CADPS2: variants seen among roughly 807,000 people sequenced by gnomAD.
The protein encoded by CADPS2 is calcium dependent secretion activator 2.
CADPS2 carries 93 observed loss-of-function variants against 172.5 expected under a neutral mutation model. The ratio of observed to expected loss-of-function variants is 0.54; its 90% confidence interval spans 0.46 to 0.64. CADPS2 has a LOEUF of 0.64. Among genes scored for constraint, CADPS2 ranks in the 30% least tolerant of loss-of-function variants. The pLI is 0.00. For missense variants in CADPS2, 1,420 were observed against 1,565.9 expected (o/e 0.91, Z 1.57); for synonymous variants, 546 against 555.2 (o/e 0.98, Z 0.23).
At chr7:122,774,971 A>AT (rs2093829110) in intron 1 of CADPS2, among the ~76,000 whole-genome samples, 1 of 151,986 alleles carries the variant, frequency 6.6e-6, no homozygotes, top group Admixed American at 6.6e-5. Flanking sequence ...ACTTTTGCTC[A>AT]TTTTTTCTGT....
At chr7:122,831,904 GA>G (rs1247544184) in intron 1 of CADPS2, among the ~76,000 whole-genome samples, 1 of 152,166 alleles carries the variant, frequency 6.6e-6, no homozygotes, top group South Asian at 2.1e-4. Flanking sequence ...AATCTAGAGA[GA>G]AAAAAACTAT....
At chr7:122,501,978 T>G (rs1237431992) in intron 9 of CADPS2, among the ~76,000 whole-genome samples, 1 of 151,956 alleles carries the variant, frequency 6.6e-6, no homozygotes, top group Non-Finnish European at 1.5e-5. Flanking sequence ...TCATATTATT[T>G]TATACATTCT....
chr7:122,547,065 A>C (rs2063697701), intron 8 of CADPS2, among the ~76,000 whole-genome samples: 1 of 145,336 alleles, frequency 6.9e-6, no homozygotes, highest in Admixed American at 7.1e-5. Context: ...CGAAGCTCAA[A>C]TCTAGGGTGT....
intron 2 of CADPS2, chr7:122,698,949 A>G (rs771800452): frequency 2.0e-5 from 29 of 1,472,646 alleles, no homozygotes; most frequent in East Asian, 2.3e-5. Context: ...TTAAGAACCA[A>G]CCTAACAGTT....
At chr7:122,358,574 G>A (rs2039724343) in intron 27 of CADPS2, among the ~76,000 whole-genome samples, 1 of 151,896 alleles carries the variant, frequency 6.6e-6, no homozygotes. Flanking sequence ...TCTTGAAGTT[G>A]TATAGTTCTG....
At chr7:122,522,513 C>A (rs372695430) in intron 8 of CADPS2, among the ~76,000 whole-genome samples, 105 of 152,142 alleles carry the variant, frequency 6.9e-4, no homozygotes, top group African/African-American at 2.5e-3. Context: ...ATGGTAAAAT[C>A]GGGATATTTG....
chr7:122,853,628 CCTGA>C (rs1334456887), intron 1 of CADPS2, among the ~76,000 whole-genome samples: 1 of 151,788 alleles, frequency 6.6e-6, no homozygotes, highest in African/African-American at 2.4e-5. Flanking sequence ...CTGACTAGAT[CCTGA>C]CTAATATACC....
At chr7:122,375,478 A>G (rs2042233391) in intron 25 of CADPS2, among the ~76,000 whole-genome samples, 1 of 152,158 alleles carries the variant, frequency 6.6e-6, no homozygotes, top group Admixed American at 6.6e-5. Flanking sequence ...GAGTGTCAAG[A>G]GAAAAGGATG....
At chr7:122,686,259 A>G (rs2083605818) in intron 2 of CADPS2, among the ~76,000 whole-genome samples, 1 of 152,206 alleles carries the variant, frequency 6.6e-6, no homozygotes. Context: ...GCGGATAGAG[A>G]AACCAGTACT....
intron 2 of CADPS2, among the ~76,000 whole-genome samples, chr7:122,684,030 T>C (rs2083359493): frequency 6.6e-6 from 1 of 152,186 alleles, no homozygotes; most frequent in African/African-American, 2.4e-5. Flanking sequence ...AAGTGGATAA[T>C]TGTCTTACTT....
At chr7:122,640,377 A>G (rs2077482391) in intron 3 of CADPS2, among the ~76,000 whole-genome samples, 1 of 152,110 alleles carries the variant, frequency 6.6e-6, no homozygotes, top group Admixed American at 6.6e-5. Flanking sequence ...TCAATTTGCC[A>G]GTATGGTTGG....
At chr7:122,794,375 C>T (rs1795919935) in intron 1 of CADPS2, among the ~76,000 whole-genome samples, 1 of 151,942 alleles carries the variant, frequency 6.6e-6, no homozygotes, top group South Asian at 2.1e-4. Context: ...AGATTCTTTC[C>T]TCCACCTGGT....
chr7:122,542,893 C>T (rs959440029), intron 8 of CADPS2, among the ~76,000 whole-genome samples: 3 of 152,032 alleles, frequency 2.0e-5, no homozygotes, highest in Admixed American at 6.6e-5. Context: ...ACAGTTCTCA[C>T]AACCACTACC....
intron 9 of CADPS2, among the ~76,000 whole-genome samples, chr7:122,511,994 T>C (rs923504741): frequency 2.0e-5 from 3 of 152,054 alleles, no homozygotes; most frequent in Non-Finnish European, 2.9e-5. Context: ...TAGGGCTCTA[T>C]ACAAACAAAT....
intron 17 of CADPS2, chr7:122,427,394 T>C (rs926343442): frequency 3.3e-5 from 5 of 152,186 alleles, no homozygotes; most frequent in African/African-American, 1.2e-4. Context: ...GAAAATCATC[T>C]AAGAAGTGAG....
intron 11 of CADPS2, among the ~76,000 whole-genome samples, chr7:122,488,342 T>G (rs2058021308): frequency 6.6e-6 from 1 of 152,144 alleles, no homozygotes; most frequent in African/African-American, 2.4e-5. Flanking sequence ...AATTTGGCAC[T>G]TGAAGTAGGA....
chr7:122,414,315 G>A (rs1017833385), intron 18 of CADPS2, among the ~76,000 whole-genome samples: 4 of 152,072 alleles, frequency 2.6e-5, no homozygotes, highest in African/African-American at 9.7e-5. Context: ...TTTAGTGATT[G>A]CAAGAAGTAT....
At chr7:122,365,325 G>A (rs1171462141) in intron 25 of CADPS2, among the ~76,000 whole-genome samples, 2 of 152,174 alleles carry the variant, frequency 1.3e-5, no homozygotes, top group Admixed American at 6.5e-5. Context: ...AGTGAGCAGC[G>A]ACAGCACCTG....
chr7:122,695,393 T>C (rs2084942006), intron 2 of CADPS2, among the ~76,000 whole-genome samples: 1 of 152,210 alleles, frequency 6.6e-6, no homozygotes, highest in Non-Finnish European at 1.5e-5. Flanking sequence ...GAAAATGGTA[T>C]ATAGCCCACA....
Sources: gnomAD v4.1 joint callset for allele counts (sites outside exome capture counted in the v4.1 genomes callset) on GRCh38, gnomAD v4.1.1 for gene constraint, MANE v1.5 for transcripts, NCBI Gene and HGNC (gene_info 2026-07-23, HGNC 2026-07-21) for gene names.